Variants in UBA3 observed in about 807,000 individuals in gnomAD.
The protein encoded by UBA3 is ubiquitin like modifier activating enzyme 3.
In UBA3, 26 loss-of-function variants were observed where a neutral mutation model predicts 73.5. The observed-to-expected ratio is 0.35, with a 90% CI of 0.26 to 0.49. The LOEUF (loss-of-function observed/expected upper bound fraction) is 0.49, where lower values mean the gene tolerates loss of function less well. UBA3 is among the 20% of genes least tolerant of loss of function. UBA3 has a pLI of 0.98. For synonymous variants in UBA3, 217 were observed against 191.2 expected, an observed-to-expected ratio of 1.13 and a Z score of -1.11; for missense variants, 495 against 555.6, an observed-to-expected ratio of 0.89 and a Z score of 1.10.
Position 69,055,137 on chromosome 3 carries a change from CCAT to C in UBA3, c.*297_*299del, listed in dbSNP as rs570191150. 3.2e-4 allele frequency: 65 copies of C among 202,480 alleles called. No homozygotes were observed. Among genetic ancestry groups the C allele is most frequent in the Non-Finnish European group, 5.4e-4 (55 of 101,744 alleles). 12.5% of individuals were successfully genotyped at this position (202,480 alleles called of 1,614,324 possible). ...GAAAACTTAGGAATGCATTCTTTGA[CCAT>C]AATAACAAAATTCACACAAAAGAGG... On this transcript the variant is annotated 3_prime_UTR_variant, in exon 18 of 18. Transcript: ENST00000361055.
intron 6 of UBA3, among the ~76,000 whole-genome samples, chr3:69,067,052 G>C (rs914334739): frequency 6.6e-6 from 1 of 152,048 alleles, no homozygotes; most frequent in Non-Finnish European, 1.5e-5. Flanking sequence ...ATTTGTAGTA[G>C]GTATTCCTTT....
At chr3:69,056,313 C>T in intron 14 of UBA3, 30 bp from the exon 15 acceptor site, 1 of 1,448,922 alleles carries the variant, frequency 6.9e-7, no homozygotes, top group Non-Finnish European at 9.4e-7. Context: ...CAAATTACAG[C>T]AGCACATGCA....
intron 6 of UBA3, among the ~76,000 whole-genome samples, chr3:69,066,725 C>G (rs2092075115): frequency 6.6e-6 from 1 of 152,158 alleles, no homozygotes; most frequent in Non-Finnish European, 1.5e-5. Flanking sequence ...AGCCACCACG[C>G]CTGGCTCATT....
At chr3:69,063,642 C>G (rs976389400) in intron 7 of UBA3, 139 bp from the exon 8 acceptor site, 1 of 722,170 alleles carries the variant, frequency 1.4e-6, no homozygotes, top group Non-Finnish European at 2.1e-6. Context: ...TTTGTGGGAA[C>G]AGGAAGCTCT....
chr3:69,066,191 A>G (rs2092070196), intron 6 of UBA3, among the ~76,000 whole-genome samples: 1 of 152,122 alleles, frequency 6.6e-6, no homozygotes. Context: ...ATGTCTCACT[A>G]CATTGCCCAG....
chr3:69,069,500 T>C (rs2092104282), intron 5 of UBA3, among the ~76,000 whole-genome samples: 1 of 152,070 alleles, frequency 6.6e-6, no homozygotes, highest in Admixed American at 6.6e-5. Flanking sequence ...CTAATTTTTG[T>C]ATTTTTAGTA....
intron 11 of UBA3, 178 bp downstream of exon 11, chr3:69,061,636 T>A: frequency 2.0e-6 from 1 of 495,690 alleles, no homozygotes; most frequent in South Asian, 3.8e-5. Context: ...CCTAAGTAAG[T>A]AAGATTCAAT....
intron 12 of UBA3, 24 bp downstream of exon 12, chr3:69,057,232 A>G (rs760840489): frequency 6.2e-7 from 1 of 1,601,680 alleles, no homozygotes; most frequent in Non-Finnish European, 8.5e-7. Context: ...AAAATAAACT[A>G]AGTGATGGCC....
At chr3:69,059,077 GA>G (rs1398803053) in intron 11 of UBA3, among the ~76,000 whole-genome samples, 1 of 152,098 alleles carries the variant, frequency 6.6e-6, no homozygotes, top group African/African-American at 2.4e-5. Flanking sequence ...TAGTAACAAT[GA>G]AAAAAAGTAT....
rs2092157041 is a variant in UBA3, at chr3:69,075,410, T to A, written c.264+20A>T. ...CACAAAGAAGAAAAAAATATTTATA[T>A]ATATATGTATATATATTACCAGATT... On this transcript the variant is annotated intron_variant, in intron 4 of 17. Coordinates refer to ENST00000361055, the MANE Select transcript of UBA3 (RefSeq NM_003968.4). The A allele has an allele frequency of 8.5e-7, 1 of 1,176,464 alleles. No individual in the cohort carries two copies. The highest frequency in any genetic ancestry group is 1.1e-6 in the Non-Finnish European group (1 of 906,218). The allele number at this position is 1,176,464 out of a possible 1,614,324, so 72.9% of individuals were successfully genotyped here.
chr3:69,074,495 C>T (rs1258652005), intron 4 of UBA3, among the ~76,000 whole-genome samples: 1 of 152,216 alleles, frequency 6.6e-6, no homozygotes, highest in Non-Finnish European at 1.5e-5. Flanking sequence ...TACAACTTCA[C>T]TCAAGCGACA....
At chr3:69,078,908 G>A (rs536969382) in intron 2 of UBA3, among the ~76,000 whole-genome samples, 1 of 152,174 alleles carries the variant, frequency 6.6e-6, no homozygotes, top group East Asian at 1.9e-4. Flanking sequence ...GAATAAGGTG[G>A]GACTCCTCTA....
chr3:69,064,904 T>C (rs913258364), intron 6 of UBA3, among the ~76,000 whole-genome samples: 4 of 152,216 alleles, frequency 2.6e-5, no homozygotes, highest in Non-Finnish European at 4.4e-5. Flanking sequence ...TTAAAAGCAA[T>C]ACAGAGAAAA....
intron 11 of UBA3, among the ~76,000 whole-genome samples, chr3:69,060,451 T>C (rs967681120): frequency 6.6e-6 from 1 of 152,200 alleles, no homozygotes; most frequent in African/African-American, 2.4e-5. Context: ...CATAAATACC[T>C]GCTCTCCTTT....
intron 2 of UBA3, 37 bp from the exon 3 acceptor site, chr3:69,077,955 G>C: frequency 6.2e-7 from 1 of 1,604,898 alleles, no homozygotes; most frequent in Non-Finnish European, 8.5e-7. Context: ...GCAAAGATCA[G>C]TATGAAAAAA....
At chr3:69,057,408 T>G in intron 11 of UBA3, 99 bp from the exon 12 acceptor site, 2 of 1,109,718 alleles carry the variant, frequency 1.8e-6, no homozygotes, top group Non-Finnish European at 2.6e-6. Flanking sequence ...TTCTAAAACT[T>G]GATTTTTCAG....
intron 2 of UBA3, among the ~76,000 whole-genome samples, chr3:69,078,345 A>G (rs1166912761): frequency 6.6e-6 from 1 of 152,264 alleles, no homozygotes; most frequent in Non-Finnish European, 1.5e-5. Flanking sequence ...TCACACTTTC[A>G]GAATTCTGAT....
intron 12 of UBA3, 84 bp downstream of exon 12, chr3:69,057,172 A>AC (rs2091981075): frequency 1.4e-5 from 19 of 1,385,282 alleles, no homozygotes; most frequent in Non-Finnish European, 1.8e-5. Context: ...GAAGATATCA[A>AC]ATTCCTACAA....
intron 4 of UBA3, among the ~76,000 whole-genome samples, chr3:69,073,549 C>T (rs1038803112): frequency 6.6e-6 from 1 of 151,974 alleles, no homozygotes; most frequent in Non-Finnish European, 1.5e-5. Flanking sequence ...TGTATTTGTT[C>T]AATGCTGTAT....
Sources: allele counts gnomAD v4.1 joint callset (sites outside exome capture counted in the v4.1 genomes callset), GRCh38; gene constraint gnomAD v4.1.1; transcripts MANE v1.5; gene names NCBI Gene and HGNC (gene_info 2026-07-23, HGNC 2026-07-21).